The following KLF12 variants were observed in gnomAD, a reference collection of about 807,000 sequenced individuals.
The protein encoded by KLF12 is KLF transcription factor 12.
Under a neutral mutation model 37.8 loss-of-function variants are expected in KLF12, and 9 were observed. That is an observed-to-expected ratio of 0.24 (90% CI 0.14 to 0.42). The LOEUF is 0.42. KLF12 is among the 10% of genes least tolerant of loss of function. KLF12 has a pLI of 1.00. For synonymous variants in KLF12, 208 were observed against 202.1 expected (o/e 1.03, Z -0.25); for missense variants, 411 against 516.0 (o/e 0.80, Z 1.97).
chr13:73,731,804 T>G (rs1033182671), intron 6 of KLF12, among the ~76,000 whole-genome samples: 7 of 152,284 alleles, frequency 4.6e-5, no homozygotes, highest in African/African-American at 1.7e-4. Flanking sequence ...GTTTTACATA[T>G]GAGAATAGCT....
At chr13:74,150,567 A>T in the KLF12 span, among the ~76,000 whole-genome samples, 1 of 152,368 alleles carries the variant, frequency 6.6e-6, no homozygotes, top group East Asian at 1.9e-4. Context: ...TTCTTACTAT[A>T]GATCTTAGCA....
intron 2 of KLF12, among the ~76,000 whole-genome samples, chr13:73,970,911 A>G (rs1891316463): frequency 6.6e-6 from 1 of 152,210 alleles, no homozygotes; most frequent in Non-Finnish European, 1.5e-5. Flanking sequence ...TCAAAGCAGC[A>G]GAAGGGTGGG....
chr13:73,822,446 T>G (rs964737357), intron 4 of KLF12, among the ~76,000 whole-genome samples: 1 of 152,176 alleles, frequency 6.6e-6, no homozygotes, highest in African/African-American at 2.4e-5. Flanking sequence ...CATCCTAGTT[T>G]AGGCTGGGTG....
chr13:73,845,108 T>C (rs1884942960), intron 4 of KLF12: 1 of 152,200 alleles, frequency 6.6e-6, no homozygotes, highest in African/African-American at 2.4e-5. Flanking sequence ...ATGAAATAAC[T>C]AGTGATGATT....
At chr13:73,839,725 T>C (rs780098822) in intron 4 of KLF12, among the ~76,000 whole-genome samples, 3 of 152,240 alleles carry the variant, frequency 2.0e-5, no homozygotes, top group Non-Finnish European at 4.4e-5. Flanking sequence ...GCTTATATTG[T>C]ACTGTGAACA....
At chr13:74,260,501 C>G in the KLF12 span, among the ~76,000 whole-genome samples, 1 of 150,666 alleles carries the variant, frequency 6.6e-6, no homozygotes, top group African/African-American at 2.5e-5. Flanking sequence ...TTATAGTGAG[C>G]TATGATTGCC....
At chr13:73,961,591 G>C (rs1312368081) in intron 2 of KLF12, among the ~76,000 whole-genome samples, 2 of 152,060 alleles carry the variant, frequency 1.3e-5, no homozygotes, top group African/African-American at 2.4e-5. Flanking sequence ...AAACTCCAGG[G>C]GGACCAAGTC....
At chr13:74,004,937 CAA>C (rs11346178) in intron 1 of KLF12, among the ~76,000 whole-genome samples, 16 of 121,120 alleles carry the variant, frequency 1.3e-4, no homozygotes, top group Middle Eastern at 4.3e-3. Context: ...TGTGCACAGA[CAA>C]AAAAAAAAAA....
rs1878291270 is a variant in KLF12, at chr13:74,132,106, A to ACAAG, written c.-32+1629_-32+1632dup. On this transcript the variant is annotated intron_variant, in intron 1 of 7. Transcript: ENST00000377669. ...CATGTGAATGAGGTCTGAGAATAGC[A>ACAAG]CAAGCAAGCTTTTTTCCTTGAGGGA... Among the ~76,000 whole-genome samples the ACAAG allele has an allele frequency of 2.6e-5, 4 of 152,300 alleles. No individual in the cohort carries two copies. The South Asian group carries it at 8.3e-4, about 32-fold the overall frequency.
At chr13:74,276,060 A>G in the KLF12 span, among the ~76,000 whole-genome samples, 1 of 151,622 alleles carries the variant, frequency 6.6e-6, no homozygotes, top group Non-Finnish European at 1.5e-5. Flanking sequence ...TGCTGCACCC[A>G]TCAACCCGTC....
chr13:73,695,191 A>C lies in KLF12; in HGVS notation c.*299T>G, dbSNP rs771802457. ...ATAACAAAATGTCTGACAGCTCAGA[A>C]AATGTACAAGCTACAAACATCTTTA... On this transcript the variant is annotated 3_prime_UTR_variant, in exon 8 of 8. Transcript: ENST00000377669. The C allele has an allele frequency of 3.2e-6, 1 of 313,024 alleles. No homozygotes were observed. The highest frequency in any genetic ancestry group is 5.9e-6 in the Non-Finnish European group (1 of 169,210). 19.4% of individuals were successfully genotyped at this position (313,024 alleles called of 1,614,324 possible). A position where few individuals can be genotyped will look rare whatever the true frequency, so the allele number is the denominator to read the frequency against.
At chr13:74,261,000 AG>A in the KLF12 span, among the ~76,000 whole-genome samples, 1 of 152,154 alleles carries the variant, frequency 6.6e-6, no homozygotes, top group African/African-American at 2.4e-5. Flanking sequence ...CAAGAGTGTG[AG>A]GGGGGTGAGG....
chr13:74,246,084 G>A, the KLF12 span, among the ~76,000 whole-genome samples: 1 of 152,158 alleles, frequency 6.6e-6, no homozygotes, highest in Middle Eastern at 3.2e-3. Flanking sequence ...ACACCCAAGT[G>A]TGCCTTCCCC....
intron 6 of KLF12, among the ~76,000 whole-genome samples, chr13:73,755,611 C>T (rs1400697153): frequency 7.3e-6 from 1 of 136,578 alleles, no homozygotes; most frequent in Non-Finnish European, 1.6e-5. Flanking sequence ...TGACAAAGCA[C>T]TTTCTCTCTT....
chr13:74,183,215 T>C, the KLF12 span, among the ~76,000 whole-genome samples: 1 of 152,180 alleles, frequency 6.6e-6, no homozygotes, highest in Admixed American at 6.5e-5. Context: ...GACATATGGT[T>C]CATGTCTTCA....
intron 5 of KLF12, among the ~76,000 whole-genome samples, chr13:73,773,579 CTG>C (rs72197136): frequency 0.38 from 57,979 of 151,780 alleles, 12,238 homozygotes; most frequent in Non-Finnish European, 0.48. Flanking sequence ...TCCATTATAT[CTG>C]TGTTCCATTT....
intron 5 of KLF12, among the ~76,000 whole-genome samples, chr13:73,780,070 T>C (rs1880862876): frequency 1.3e-5 from 2 of 152,096 alleles, no homozygotes; most frequent in Admixed American, 6.5e-5. Context: ...GTGGTAGAAA[T>C]AGCAAGAGAA....
chr13:73,990,731 A>G (rs1285332714), intron 2 of KLF12, among the ~76,000 whole-genome samples: 2 of 152,146 alleles, frequency 1.3e-5, no homozygotes, highest in East Asian at 1.9e-4. Flanking sequence ...TAATAATATC[A>G]TTTTGGTAAA....
chr13:74,091,411 A>G (rs187401807), intron 1 of KLF12, among the ~76,000 whole-genome samples: 1 of 152,334 alleles, frequency 6.6e-6, no homozygotes, highest in Admixed American at 6.5e-5. Context: ...AGAATGTTAT[A>G]CAGTTGGAAT....
Sources: allele counts gnomAD v4.1 joint callset (sites outside exome capture counted in the v4.1 genomes callset), GRCh38; gene constraint gnomAD v4.1.1; transcripts MANE v1.5; gene names NCBI Gene and HGNC (gene_info 2026-07-23, HGNC 2026-07-21).